Variants in STAG3 observed in about 807,000 individuals in gnomAD.
The protein encoded by STAG3 is cohesin subunit SA-3.
Under a neutral mutation model 160.7 loss-of-function variants are expected in STAG3, and 101 were observed. That is an observed-to-expected ratio of 0.63 (90% CI 0.54 to 0.74). The LOEUF (loss-of-function observed/expected upper bound fraction) is 0.74. Among genes scored for constraint, STAG3 ranks in the 30% least tolerant of loss-of-function variants. STAG3 has a pLI of 0.00. For synonymous variants in STAG3, 519 were observed against 585.0 expected, an observed-to-expected ratio of 0.89 and a Z score of 1.63; for missense variants, 1,188 against 1,517.4, an observed-to-expected ratio of 0.78 and a Z score of 3.61.
chr7:100,212,037 C>T (rs2117546775), intron 32 of STAG3, 161 bp downstream of exon 32: 1 of 590,578 alleles, frequency 1.7e-6, no homozygotes, highest in East Asian at 2.9e-5. Context: ...TTGGACTTTG[C>T]TTGGACTCTA....
At chr7:100,211,903 C>G (rs1402357393) in intron 32 of STAG3, 27 bp downstream of exon 32, 3 of 1,607,972 alleles carry the variant, frequency 1.9e-6, no homozygotes, top group Non-Finnish European at 2.6e-6. Context: ...GCCCTTCTCT[C>G]TCAAGAACTA....
chr7:100,211,098 C>T lies in STAG3; in HGVS notation c.3326C>T (p.Thr1109Ile). The change falls in exon 30 of 34, where the codon ACC (threonine) becomes ATC (isoleucine). Residue 1109 changes from threonine (T) to isoleucine (I), a missense_variant. Coordinates refer to ENST00000615138, the MANE Select transcript of STAG3 (RefSeq NM_001282717.2). ...AGCATCCCGCCCACGCCCACCCTCA[C>T]CTCCACAGCTGTGAAGAGCAGGCAG... ...LNSIPPTPTLTSTAVKSRQPL... is the reference protein window; with the variant it reads ...LNSIPPTPTLISTAVKSRQPL... The T allele has an allele frequency of 6.3e-7, 1 of 1,593,198 alleles. No homozygotes were observed. Among genetic ancestry groups the T allele is most frequent in the Non-Finnish European group, 8.6e-7 (1 of 1,165,464 alleles).
chr7:100,217,224 T>C (rs1160129547), downstream of STAG3, among the ~76,000 whole-genome samples: 1 of 152,240 alleles, frequency 6.6e-6, no homozygotes, highest in African/African-American at 2.4e-5. Context: ...GGATACTTTT[T>C]TGTGCACGCC....
rs186036615 is a variant in STAG3 at position 100,185,885 on chromosome 7, C to T, written c.337-315C>T. Among the ~76,000 whole-genome samples, 9 of 152,142 alleles carry T rather than the reference C, an allele frequency of 5.9e-5. 1 individual carries two copies. The highest frequency in any genetic ancestry group is 3.3e-4 in the Admixed American group (5 of 15,272). ...TTTAGGTGCCTCCTCTTGGACTACT[C>T]GTCTTGGAAAAAGCTTAGGCTCTAC... On this transcript the variant is annotated intron_variant, in intron 4 of 33. Transcript: ENST00000615138.
intron 32 of STAG3, chr7:100,212,977 C>T (rs192985128): frequency 6.5e-6 from 1 of 154,254 alleles, no homozygotes; most frequent in Non-Finnish European, 1.5e-5. Context: ...AGGGCTATGT[C>T]TGAGTTCAGG....
intron 29 of STAG3, among the ~76,000 whole-genome samples, chr7:100,208,649 G>T (rs755850548): frequency 4.6e-5 from 7 of 152,182 alleles, no homozygotes; most frequent in Non-Finnish European, 7.3e-5. Context: ...TCTGCCTAAA[G>T]CGTAGGGTTT....
At chr7:100,200,647 C>A in intron 18 of STAG3, 105 bp downstream of exon 18, 5 of 1,529,434 alleles carry the variant, frequency 3.3e-6, no homozygotes, top group Non-Finnish European at 4.5e-6. Flanking sequence ...GAAAAATCAG[C>A]AAGCCTTTTC....
At chr7:100,209,583 T>C (rs1422189886) in intron 29 of STAG3, among the ~76,000 whole-genome samples, 1 of 152,210 alleles carries the variant, frequency 6.6e-6, no homozygotes, top group Admixed American at 6.5e-5. Flanking sequence ...TCCTTCTGGC[T>C]GCTGTGTCGA....
rs527644241 is a variant in STAG3 at position 100,190,088 on chromosome 7, C to A, written c.867+492C>A. On this transcript the variant is annotated intron_variant, in intron 8 of 33. Transcript: ENST00000615138. Reference sequence around the variant, plus strand: ...CCTTATGTAACCTCTCTTCAGTTTTCTTTTCTTTAAAAAAAGGAATAATCT... The same window carrying A: ...CCTTATGTAACCTCTCTTCAGTTTTATTTTCTTTAAAAAAAGGAATAATCT... Among the ~76,000 whole-genome samples, 287 of 152,224 alleles carry A rather than the reference C, an allele frequency of 1.9e-3. 2 individuals carry two copies. Among genetic ancestry groups the A allele is most frequent in the African/African-American group, 6.5e-3 (271 of 41,552 alleles).
chr7:100,188,728 A>C, intron 6 of STAG3, 84 bp from the exon 7 acceptor site: 1 of 1,378,464 alleles, frequency 7.3e-7, no homozygotes, highest in Non-Finnish European at 1.0e-6. Context: ...TTTTTACTGG[A>C]CTGTTGAGTT....
At chr7:100,206,762 G>A (rs1801692019) in intron 29 of STAG3, among the ~76,000 whole-genome samples, 1 of 152,060 alleles carries the variant, frequency 6.6e-6, no homozygotes, top group South Asian at 2.1e-4. Flanking sequence ...GAGCCCCCGT[G>A]CCCAGCCAAA....
intron 29 of STAG3, 31 bp downstream of exon 29, chr7:100,205,415 C>G: frequency 6.4e-7 from 1 of 1,561,352 alleles, no homozygotes; most frequent in Admixed American, 2.0e-5. Context: ...ATGGGGGTGC[C>G]CAGCAGGTGG....
In STAG3 at chr7:100,201,075, T is replaced by G; in HGVS notation, c.2062-15T>G. The G allele has an allele frequency of 6.2e-7, 1 of 1,614,202 alleles. No individual in the cohort carries two copies. Among genetic ancestry groups the G allele is most frequent in the South Asian group, 1.1e-5 (1 of 91,086 alleles). ...TCTGGGGGAAATGCTATTGTGGATC[T>G]TCTTTCCTTCTCAGTCGTCCTTCCT... On this transcript the variant is annotated splice_polypyrimidine_tract_variant and intron_variant, in intron 19 of 33. Coordinates refer to ENST00000615138, the MANE Select transcript of STAG3 (RefSeq NM_001282717.2).
chr7:100,180,879 T>G, intron 2 of STAG3: 1 of 378,264 alleles, frequency 2.6e-6, no homozygotes, highest in Non-Finnish European at 4.8e-6. Context: ...TAGTACATCC[T>G]GTTTTTTTTT....
chr7:100,212,121 C>G lies in STAG3; in HGVS notation c.3600+245C>G, dbSNP rs996269338. 5 of 405,380 alleles carry G rather than the reference C, an allele frequency of 1.2e-5. No individual in the cohort carries two copies. The Admixed American group carries it at 2.1e-4, about 17-fold the overall frequency. The allele number at this position is 405,380 out of a possible 1,614,324, so 25.1% of individuals were successfully genotyped here. A position where few individuals can be genotyped will look rare whatever the true frequency, so the allele number is the denominator to read the frequency against. The stretch of plus-strand genomic sequence containing the variant: ...GGAATAGCACTCTCGCTCCCAATCC[C>G]TAAATAAATATTGTTGCCTCCGAAC... On this transcript the variant is annotated intron_variant, in intron 32 of 33. Coordinates refer to ENST00000615138, the MANE Select transcript of STAG3 (RefSeq NM_001282717.2).
rs1444313975 is a variant in STAG3 at position 100,213,904 on chromosome 7, C to G, written c.3672+98C>G. On this transcript the variant is annotated intron_variant, in intron 33 of 33. Transcript: ENST00000615138. ...GACAGGCCATAGCCTGGGGGTGGCC[C>G]TCTGGGCTGTCTCTGGGGCTTTGAG... The G allele has an allele frequency of 3.1e-6, 5 of 1,612,832 alleles. No homozygotes were observed. The African/African-American group carries it at 5.3e-5, about 17-fold the overall frequency.
In STAG3 at chr7:100,213,787, C is replaced by T; in HGVS notation, c.3653C>T (p.Ser1218Phe). 1 of 1,614,240 alleles carries T rather than the reference C, an allele frequency of 6.2e-7. No individual in the cohort carries two copies. Among genetic ancestry groups the T allele is most frequent in the Non-Finnish European group, 8.5e-7 (1 of 1,180,044 alleles). ...GAGCGCGGGCTGGACCTCTTAGATT[C>T]TACAGAGCTGGATATTGAGGTGAGT... ...TSERGLDLLD[S>F]TELDIEDF Residue 1218 changes from serine (S) to phenylalanine (F), a missense_variant, in exon 33 of 34, where the codon TCT becomes TTT. Physicochemically the swap from Ser to Phe is radical, Grantham distance 155. Transcript: ENST00000615138.
At chr7:100,217,889 G>A (rs1584829630), downstream of STAG3, among the ~76,000 whole-genome samples, 1 of 151,670 alleles carries the variant, frequency 6.6e-6, no homozygotes, top group Admixed American at 6.6e-5. Flanking sequence ...GAAACAGGAG[G>A]GTGACTGCTG....
At chr7:100,196,882 G>C (rs1443588519) in intron 9 of STAG3, among the ~76,000 whole-genome samples, 1 of 152,088 alleles carries the variant, frequency 6.6e-6, no homozygotes, top group Non-Finnish European at 1.5e-5. Flanking sequence ...TGTAGTCCTA[G>C]CTACTTGAGA....
Sources: gnomAD v4.1 joint callset for allele counts (sites outside exome capture counted in the v4.1 genomes callset) on GRCh38, gnomAD v4.1.1 for gene constraint, MANE v1.5 for transcripts, NCBI Gene and HGNC (gene_info 2026-07-23, HGNC 2026-07-21) for gene names.